EPHA6: variants seen among roughly 807,000 people sequenced by gnomAD.
The protein encoded by EPHA6 is EPH receptor A6.
A neutral mutation model predicts 112.0 loss-of-function variants in EPHA6; 50 were observed. That is an observed-to-expected ratio of 0.45 (90% CI 0.36 to 0.56). The LOEUF is 0.56. Ranked by LOEUF, EPHA6 falls within the 20% of genes least tolerant of loss-of-function variation. The pLI, the probability that EPHA6 is intolerant of heterozygous loss-of-function variation, is 0.00. For synonymous variants in EPHA6, 529 were observed against 490.7 expected, an observed-to-expected ratio of 1.08 and a Z score of -1.03; for missense variants, 1,280 against 1,417.4, an observed-to-expected ratio of 0.90 and a Z score of 1.56.
intron 3 of EPHA6, among the ~76,000 whole-genome samples, chr3:97,164,877 T>C (rs1458024481): frequency 1.3e-5 from 2 of 152,160 alleles, no homozygotes; most frequent in Non-Finnish European, 2.9e-5. Context: ...CTGGAACTTT[T>C]ATTTAATGGA....
chr3:97,096,709 T>G (rs2047250163), intron 3 of EPHA6, among the ~76,000 whole-genome samples: 1 of 151,954 alleles, frequency 6.6e-6, no homozygotes, highest in African/African-American at 2.4e-5. Context: ...TTCTTAAATT[T>G]TCTTAAGTTT....
At chr3:97,608,657 G>C (rs1344229431) in intron 12 of EPHA6, among the ~76,000 whole-genome samples, 1 of 151,174 alleles carries the variant, frequency 6.6e-6, no homozygotes, top group Non-Finnish European at 1.5e-5. Flanking sequence ...TAAGATTAGA[G>C]AGAGAAGCAA....
intron 3 of EPHA6, among the ~76,000 whole-genome samples, chr3:96,988,791 A>G (rs941581873): frequency 1.3e-5 from 2 of 152,136 alleles, no homozygotes; most frequent in Non-Finnish European, 2.9e-5. Flanking sequence ...ACATCGCAAA[A>G]TGCTAGTTAA....
chr3:97,319,725 A>T (rs2082017288), intron 5 of EPHA6, among the ~76,000 whole-genome samples: 1 of 151,642 alleles, frequency 6.6e-6, no homozygotes, highest in Admixed American at 6.6e-5. Flanking sequence ...AACAAAACGA[A>T]AAAAACAGGA....
chr3:97,583,148 A>G (rs1406019414), intron 11 of EPHA6, among the ~76,000 whole-genome samples: 3 of 151,568 alleles, frequency 2.0e-5, no homozygotes, highest in African/African-American at 7.3e-5. Context: ...TTGGCTGCAG[A>G]GCTAAATAGA....
chr3:96,980,348 G>T, intron 2 of EPHA6, among the ~76,000 whole-genome samples: 1 of 152,130 alleles, frequency 6.6e-6, no homozygotes, highest in East Asian at 1.9e-4. Context: ...GTTTGTCAAA[G>T]ATCAGATGGT....
chr3:97,305,386 T>C (rs1289044739), intron 5 of EPHA6, among the ~76,000 whole-genome samples: 1 of 152,024 alleles, frequency 6.6e-6, no homozygotes, highest in East Asian at 1.9e-4. Context: ...CAAAGGAATA[T>C]AAATTATTCT....
At chr3:97,500,369 G>A (rs990163042) in intron 10 of EPHA6, among the ~76,000 whole-genome samples, 1 of 152,062 alleles carries the variant, frequency 6.6e-6, no homozygotes, top group Non-Finnish European at 1.5e-5. Context: ...CTCAGCTTCT[G>A]GGGAAGACTC....
At chr3:96,889,050 G>A (rs2037800752) in intron 2 of EPHA6, among the ~76,000 whole-genome samples, 1 of 152,078 alleles carries the variant, frequency 6.6e-6, no homozygotes, top group Admixed American at 6.6e-5. Flanking sequence ...AATGCGGCCA[G>A]TCTCTTTGCT....
At chr3:97,014,794 TTC>T (rs2044210221) in intron 3 of EPHA6, among the ~76,000 whole-genome samples, 1 of 152,184 alleles carries the variant, frequency 6.6e-6, no homozygotes, top group African/African-American at 2.4e-5. Context: ...GGATCAGAAA[TTC>T]TTTTTTGAGA....
chr3:96,985,148 A>G (rs973733541), intron 2 of EPHA6, among the ~76,000 whole-genome samples: 1 of 152,124 alleles, frequency 6.6e-6, no homozygotes, highest in Non-Finnish European at 1.5e-5. Context: ...CGCTCATGCT[A>G]GGAGCTGTAG....
intron 14 of EPHA6, among the ~76,000 whole-genome samples, chr3:97,699,512 T>C (rs990602671): frequency 3.3e-5 from 5 of 152,276 alleles, no homozygotes; most frequent in African/African-American, 1.2e-4. Flanking sequence ...GCTAAAAACC[T>C]CAGAGCCCAT....
chr3:97,063,452 C>G (rs2046086270), intron 3 of EPHA6, among the ~76,000 whole-genome samples: 2 of 152,106 alleles, frequency 1.3e-5, no homozygotes, highest in South Asian at 4.1e-4. Context: ...AATGCAGGAG[C>G]AGAAAACCAA....
chr3:97,541,701 C>T (rs796798925), intron 11 of EPHA6, among the ~76,000 whole-genome samples: 131 of 146,846 alleles, frequency 8.9e-4, no homozygotes, highest in African/African-American at 3.1e-3. Context: ...TCCCTCAGTT[C>T]GGGTGTGTCT....
At chr3:96,903,409 A>G (rs1018034751) in intron 2 of EPHA6, among the ~76,000 whole-genome samples, 11 of 152,150 alleles carry the variant, frequency 7.2e-5, no homozygotes, top group Non-Finnish European at 1.3e-4. Context: ...TTCTTGGAAA[A>G]TCACCCTTAA....
intron 3 of EPHA6, among the ~76,000 whole-genome samples, chr3:97,067,175 A>G (rs1193155240): frequency 1.3e-5 from 2 of 152,116 alleles, no homozygotes; most frequent in Non-Finnish European, 2.9e-5. Flanking sequence ...GTTGCCTGCC[A>G]GTGTCCATCT....
At chr3:97,104,360 GTTTAAT>G (rs2047499947) in intron 3 of EPHA6, among the ~76,000 whole-genome samples, 1 of 152,070 alleles carries the variant, frequency 6.6e-6, no homozygotes, top group Non-Finnish European at 1.5e-5. Context: ...AAGAAGCGAT[GTTTAAT>G]TTTATCAAAA....
Position 97,525,924 on chromosome 3 carries a change from G to A in EPHA6, c.2201-6434G>A, listed in dbSNP as rs141214408. 1.1e-3 allele frequency among the ~76,000 whole-genome samples: 167 copies of A among 152,272 alleles called. 4 individuals carry two copies. In the East Asian group the frequency reaches 0.023, roughly 21 times the overall value. On this transcript the variant is annotated intron_variant, in intron 10 of 17. Coordinates refer to ENST00000389672, the MANE Select transcript of EPHA6 (RefSeq NM_001080448.3). The stretch of plus-strand genomic sequence containing the variant: ...ACGTGCAATGATGGATATGGCTTCC[G>A]CTGGGTCACTGGCAGGACTCCTGTT...
At chr3:97,131,921 TAAAAGC>T (rs1427613320) in intron 3 of EPHA6, among the ~76,000 whole-genome samples, 2 of 152,096 alleles carry the variant, frequency 1.3e-5, no homozygotes, top group Non-Finnish European at 2.9e-5. Context: ...CCTGCCATGT[TAAAAGC>T]AAAACCAAAC....
Sources: gnomAD v4.1 joint callset for allele counts (sites outside exome capture counted in the v4.1 genomes callset) on GRCh38, gnomAD v4.1.1 for gene constraint, MANE v1.5 for transcripts, NCBI Gene and HGNC (gene_info 2026-07-23, HGNC 2026-07-21) for gene names.